The following CENPP variants were observed in gnomAD, a reference collection of about 807,000 sequenced individuals.
CENPP encodes the protein centromere protein P.
Under a neutral mutation model 35.6 loss-of-function variants are expected in CENPP, and 24 were observed. The ratio of observed to expected loss-of-function variants is 0.67; its 90% CI spans 0.49 to 0.95. The LOEUF (loss-of-function observed/expected upper bound fraction) is 0.95. Ranked by LOEUF, CENPP falls within the 40% of genes least tolerant of loss-of-function variation. The probability of loss-of-function intolerance (pLI) is 0.00; values close to 1 mark genes in which losing one functional copy is unlikely to be tolerated. For missense variants in CENPP, 332 were observed against 345.3 expected (o/e 0.96, Z 0.31); for synonymous variants, 120 against 125.5 (o/e 0.96, Z 0.29).
rs763948305 is a variant in CENPP at position 92,474,688 on chromosome 9, A to G, written c.564+94829A>G. 345 of 1,613,958 alleles carry G rather than the reference A, an allele frequency of 2.1e-4. 3 individuals carry two copies. In the South Asian group the frequency reaches 2.8e-3, roughly 13 times the overall value. Reference sequence around the variant, plus strand: ...ATCCAAATGGACACATTGGAAACAGATCAAATGGAAAAAAATGGCTTCTTG... The same window carrying G: ...ATCCAAATGGACACATTGGAAACAGGTCAAATGGAAAAAAATGGCTTCTTG... On this transcript the variant is annotated intron_variant, in intron 5 of 7. Coordinates refer to ENST00000375587, the MANE Select transcript of CENPP (RefSeq NM_001012267.3).
chr9:92,425,542 G>T (rs533156154), intron 5 of CENPP, among the ~76,000 whole-genome samples: 1 of 152,130 alleles, frequency 6.6e-6, no homozygotes, highest in Non-Finnish European at 1.5e-5. Flanking sequence ...TCATTTTGGG[G>T]GGGAATTCTT....
In CENPP at chr9:92,513,971, G is replaced by A. The variant is rs566427334; in HGVS notation, c.565-97343G>A. Among the ~76,000 whole-genome samples the A allele has an allele frequency of 5.9e-5, 9 of 152,256 alleles. No homozygotes were observed. In the East Asian group the frequency reaches 7.7e-4, roughly 13 times the overall value. On this transcript the variant is annotated intron_variant, in intron 5 of 7. Transcript: ENST00000375587. ...GTAGGAAATCATCATTTGATTTGGAGGAGTTTGCTTTATACCTAACTGCTA... is the reference window on the plus strand; with the variant it reads ...GTAGGAAATCATCATTTGATTTGGAAGAGTTTGCTTTATACCTAACTGCTA...
chr9:92,413,381 T>C (rs1398944941), intron 5 of CENPP, among the ~76,000 whole-genome samples: 1 of 152,188 alleles, frequency 6.6e-6, no homozygotes, highest in Non-Finnish European at 1.5e-5. Flanking sequence ...GCTCCAATTT[T>C]TCCACATCTT....
intron 3 of CENPP, 109 bp from the exon 4 acceptor site, chr9:92,345,589 AT>A: frequency 1.6e-6 from 1 of 640,260 alleles, no homozygotes; most frequent in Admixed American, 3.1e-5. Context: ...TTCTGTCATG[AT>A]TACTCTTTCC....
At chr9:92,470,865 A>G in intron 5 of CENPP, 1 of 853,884 alleles carries the variant, frequency 1.2e-6, no homozygotes, top group East Asian at 2.7e-5. Flanking sequence ...ACATTTTTTA[A>G]AACCCATGAT....
chr9:92,378,557 A>G (rs1454095815), intron 4 of CENPP, among the ~76,000 whole-genome samples: 2 of 152,032 alleles, frequency 1.3e-5, no homozygotes, highest in Non-Finnish European at 2.9e-5. Context: ...TGTTTGCTTT[A>G]TGTGCTGTGT....
At chr9:92,381,473 G>T (rs1842242827) in intron 5 of CENPP, among the ~76,000 whole-genome samples, 1 of 152,050 alleles carries the variant, frequency 6.6e-6, no homozygotes, top group Non-Finnish European at 1.5e-5. Flanking sequence ...TCGTAGAGAT[G>T]CAGTTTCGCC....
chr9:92,411,569 A>ACCATGC (rs1354956393), intron 5 of CENPP, among the ~76,000 whole-genome samples: 1 of 152,198 alleles, frequency 6.6e-6, no homozygotes, highest in Non-Finnish European at 1.5e-5. Context: ...TGCTGGTATT[A>ACCATGC]CAGGTGTAAT....
intron 5 of CENPP, among the ~76,000 whole-genome samples, chr9:92,440,671 A>G (rs1034566645): frequency 6.6e-6 from 1 of 152,222 alleles, no homozygotes; most frequent in South Asian, 2.1e-4. Context: ...GTTGCACCTC[A>G]AACTGCGAAA....
At chr9:92,326,299 G>T (rs957549808) in intron 1 of CENPP, among the ~76,000 whole-genome samples, 194 bp downstream of exon 1, 12 of 152,214 alleles carry the variant, frequency 7.9e-5, no homozygotes, top group Non-Finnish European at 1.0e-4. Context: ...CGCATTGCAG[G>T]GTATTAACTC....
At chr9:92,454,206 T>C (rs1844803627) in intron 5 of CENPP, among the ~76,000 whole-genome samples, 1 of 152,186 alleles carries the variant, frequency 6.6e-6, no homozygotes, top group Admixed American at 6.5e-5. Flanking sequence ...TTTTGCAAAC[T>C]TAAAACCAAA....
At chr9:92,435,177 C>T (rs1844218605) in intron 5 of CENPP, among the ~76,000 whole-genome samples, 1 of 152,106 alleles carries the variant, frequency 6.6e-6, no homozygotes, top group Non-Finnish European at 1.5e-5. Flanking sequence ...TTTCAAGATT[C>T]AGATGTTTGT....
At chr9:92,352,539 A>ATATATATATATATATATATATAT (rs1186628278) in intron 4 of CENPP, among the ~76,000 whole-genome samples, 6 of 105,412 alleles carry the variant, frequency 5.7e-5, no homozygotes, top group Admixed American at 1.9e-4. Flanking sequence ...ATATATATAT[A>ATATATATATATATATATATATAT]ATATAACGGG....
intron 4 of CENPP, among the ~76,000 whole-genome samples, chr9:92,372,643 T>C (rs1842037150): frequency 6.6e-6 from 1 of 152,204 alleles, no homozygotes; most frequent in Admixed American, 6.5e-5. Flanking sequence ...TGAATTCTTT[T>C]AGCATTTGTG....
chr9:92,595,948 T>A (rs867322843), intron 5 of CENPP, among the ~76,000 whole-genome samples: 5 of 152,158 alleles, frequency 3.3e-5, no homozygotes, highest in African/African-American at 1.2e-4. Context: ...GCTTTATTTA[T>A]AAAATATAGT....
intron 5 of CENPP, among the ~76,000 whole-genome samples, chr9:92,437,056 G>A (rs1041929489): frequency 1.3e-5 from 2 of 152,052 alleles, no homozygotes; most frequent in Admixed American, 6.6e-5. Context: ...AAAAAAATTA[G>A]CCGGGCATGG....
intron 5 of CENPP, chr9:92,470,837 C>T: frequency 9.8e-7 from 1 of 1,018,188 alleles, no homozygotes; most frequent in Non-Finnish European, 1.5e-6. Context: ...GATGAGATTA[C>T]TAATATGGTA....
intron 4 of CENPP, among the ~76,000 whole-genome samples, chr9:92,368,159 T>C (rs185089079): frequency 1.3e-5 from 2 of 152,356 alleles, no homozygotes; most frequent in East Asian, 3.9e-4. Flanking sequence ...ATGATGATGC[T>C]ATATAGCCAT....
chr9:92,516,738 C>T (rs1847748314), intron 5 of CENPP: 1 of 152,176 alleles, frequency 6.6e-6, no homozygotes, highest in Non-Finnish European at 1.5e-5. Flanking sequence ...GTATTTATTT[C>T]ACTCCAAGGA....
Sources: allele counts gnomAD v4.1 joint callset (sites outside exome capture counted in the v4.1 genomes callset), GRCh38; gene constraint gnomAD v4.1.1; transcripts MANE v1.5; gene names NCBI Gene and HGNC (gene_info 2026-07-23, HGNC 2026-07-21).